The following PALLD variants were observed in gnomAD, a reference collection of about 807,000 sequenced individuals.
PALLD encodes the protein palladin, cytoskeletal associated protein.
A neutral mutation model predicts 123.5 loss-of-function variants in PALLD; 61 were observed. That is an observed-to-expected ratio of 0.49 (90% CI 0.40 to 0.61). The LOEUF is 0.61. PALLD is among the 20% of genes least tolerant of loss of function. The pLI is 0.00. For synonymous variants in PALLD, 465 were observed against 496.4 expected, an observed-to-expected ratio of 0.94 and a Z score of 0.84; for missense variants, 1,273 against 1,377.0, an observed-to-expected ratio of 0.92 and a Z score of 1.20.
intron 3 of PALLD, among the ~76,000 whole-genome samples, chr4:168,672,311 A>G (rs926615584): frequency 1.3e-5 from 2 of 152,166 alleles, no homozygotes; most frequent in Admixed American, 6.5e-5. Flanking sequence ...AACTATAGTC[A>G]TCCTGTAGTG....
intron 2 of PALLD, among the ~76,000 whole-genome samples, chr4:168,585,832 G>C (rs879851571): frequency 3.9e-5 from 6 of 152,154 alleles, no homozygotes; most frequent in Non-Finnish European, 5.9e-5. Flanking sequence ...AATCTTCTTA[G>C]TACTCTTAAG....
intron 2 of PALLD, among the ~76,000 whole-genome samples, chr4:168,529,862 T>C (rs1046723095): frequency 1.3e-5 from 2 of 152,214 alleles, no homozygotes; most frequent in African/African-American, 4.8e-5. Context: ...GCAAAGCATA[T>C]ACCTTCTTCA....
intron 10 of PALLD, among the ~76,000 whole-genome samples, chr4:168,883,205 T>G (rs1045186498): frequency 2.6e-5 from 4 of 152,212 alleles, no homozygotes; most frequent in Non-Finnish European, 5.9e-5. Flanking sequence ...CCTTTAAATA[T>G]GAGCTTAAGT....
chr4:168,527,364 G>A (rs532336952), intron 2 of PALLD, among the ~76,000 whole-genome samples: 15 of 142,858 alleles, frequency 1.0e-4, no homozygotes, highest in Non-Finnish European at 1.9e-4. Context: ...AGAGATTGTG[G>A]TGAGCTGAGA....
At chr4:168,585,784 A>C (rs1770756446) in intron 2 of PALLD, among the ~76,000 whole-genome samples, 1 of 152,132 alleles carries the variant, frequency 6.6e-6, no homozygotes, top group African/African-American at 2.4e-5. Flanking sequence ...TGCTCTTAGG[A>C]GCCAAGTTTC....
intron 10 of PALLD, among the ~76,000 whole-genome samples, chr4:168,818,414 A>G (rs1229396742): frequency 1.3e-5 from 2 of 152,208 alleles, no homozygotes; most frequent in South Asian, 2.1e-4. Context: ...GCTGGGCAAT[A>G]TAATGGGACT....
Position 168,537,027 on chromosome 4 carries a change from C to T in PALLD, c.908+24615C>T, listed in dbSNP as rs186206116. On this transcript the variant is annotated intron_variant, in intron 2 of 21. Coordinates refer to ENST00000505667, the MANE Select transcript of PALLD (RefSeq NM_001166108.2). ...GTATTTTTAGTAGAGACAGTTTCATCGTGTTAGCCAGGATGGTCTGATCTC... is the reference window on the plus strand; with the variant it reads ...GTATTTTTAGTAGAGACAGTTTCATTGTGTTAGCCAGGATGGTCTGATCTC... Among the ~76,000 whole-genome samples, 85 of 152,160 alleles carry T rather than the reference C, an allele frequency of 5.6e-4. 3 individuals are homozygous for T. In the South Asian group the frequency reaches 0.012, roughly 21 times the overall value.
At chr4:168,836,913 C>A (rs1038647700) in intron 10 of PALLD, among the ~76,000 whole-genome samples, 1 of 152,172 alleles carries the variant, frequency 6.6e-6, no homozygotes, top group African/African-American at 2.4e-5. Context: ...TAGAACCAAA[C>A]CACTATATAT....
At chr4:168,770,743 T>TA (rs1489049805) in intron 10 of PALLD, among the ~76,000 whole-genome samples, 1 of 151,876 alleles carries the variant, frequency 6.6e-6, no homozygotes, top group Non-Finnish European at 1.5e-5. Flanking sequence ...ACAAGCCAAT[T>TA]AACACATTCC....
intron 2 of PALLD, among the ~76,000 whole-genome samples, chr4:168,634,758 G>T (rs1010156725): frequency 6.6e-6 from 1 of 152,190 alleles, no homozygotes; most frequent in African/African-American, 2.4e-5. Context: ...GAAGTGTAGC[G>T]TAAAGAAAAT....
intron 10 of PALLD, among the ~76,000 whole-genome samples, chr4:168,713,608 C>A (rs759494976): frequency 6.6e-6 from 1 of 152,180 alleles, no homozygotes; most frequent in African/African-American, 2.4e-5. Context: ...CTCTGCTTTG[C>A]AGCCAGGTTA....
chr4:168,517,153 C>G (rs1763065450), intron 2 of PALLD, among the ~76,000 whole-genome samples: 1 of 152,110 alleles, frequency 6.6e-6, no homozygotes. Flanking sequence ...TATTCTCAAT[C>G]AAATTACTAC....
rs1157959859 is a variant in PALLD at position 168,869,890 on chromosome 4, C to A, written c.1965-21032C>A. On this transcript the variant is annotated intron_variant, in intron 10 of 21. Transcript: ENST00000505667. This position sits in a 1 kb window ranked among gnomAD's most constrained non-coding sequence, Gnocchi z 4.5. ...GTAAAGTTTAGATCTTGGTAAGGTA[C>A]CCATATTTAGAGAGATGGAGAACCA... Among the ~76,000 whole-genome samples the A allele has an allele frequency of 6.6e-6, 1 of 152,032 alleles. No homozygotes were observed.
chr4:168,536,363 T>C (rs1765084334), intron 2 of PALLD, among the ~76,000 whole-genome samples: 1 of 152,208 alleles, frequency 6.6e-6, no homozygotes, highest in Non-Finnish European at 1.5e-5. Flanking sequence ...ACCTAAGGCA[T>C]TAAGCCACAG....
intron 2 of PALLD, among the ~76,000 whole-genome samples, chr4:168,632,576 C>G (rs1039549401): frequency 1.3e-5 from 2 of 152,192 alleles, no homozygotes; most frequent in African/African-American, 4.8e-5. Context: ...TCCCGGTTCT[C>G]CTCTCCCTTT....
chr4:168,710,630 G>A (rs1485508831), intron 9 of PALLD, among the ~76,000 whole-genome samples: 1 of 152,170 alleles, frequency 6.6e-6, no homozygotes, highest in Non-Finnish European at 1.5e-5. Flanking sequence ...GTCATCTTAA[G>A]TGGGAAATGG....
chr4:168,708,942 T>A lies in PALLD; in HGVS notation c.1502-86T>A. 3.5e-6 allele frequency: 4 copies of A among 1,141,236 alleles called. No individual in the cohort carries two copies. In the South Asian group the frequency reaches 4.9e-5, roughly 14 times the overall value. 70.7% of individuals were successfully genotyped at this position (1,141,236 alleles called of 1,614,324 possible). A position where few individuals can be genotyped will look rare whatever the true frequency, so the allele number is the denominator to read the frequency against. On this transcript the variant is annotated intron_variant, in intron 8 of 21. Transcript: ENST00000505667. ...TGTAATAATCATAACCTAATTTGTT[T>A]GTTGTGGAAAGGTGGAGGGTCTCAC...
At chr4:168,921,428 C>G in intron 17 of PALLD, 106 bp from the exon 18 acceptor site, 3 of 529,392 alleles carry the variant, frequency 5.7e-6, no homozygotes, top group Admixed American at 3.7e-5. Context: ...AAAAAAAAAG[C>G]CACCTCTTGT....
rs1560876800 is a variant in PALLD at position 168,896,614 on chromosome 4, CT to C, written c.2250+18del. 7.0e-7 allele frequency: 1 copy of C among 1,420,642 alleles called. No homozygotes were observed. Among genetic ancestry groups the C allele is most frequent in the South Asian group, 1.2e-5 (1 of 80,584 alleles). The allele number at this position is 1,420,642 out of a possible 1,614,324, so 88.0% of individuals were successfully genotyped here. On this transcript the variant is annotated intron_variant, in intron 13 of 21. Transcript: ENST00000505667. Reference sequence around the variant, plus strand: ...ATGGTCAAAAGGTTAAGCTTTTCACCTTTCTTCTCCTTCCAGTCTTTCTCTG... The same window carrying C: ...ATGGTCAAAAGGTTAAGCTTTTCACCTTCTTCTCCTTCCAGTCTTTCTCTG...
Sources: gnomAD v4.1 joint callset for allele counts (sites outside exome capture counted in the v4.1 genomes callset) on GRCh38, gnomAD v4.1.1 for gene constraint, Gnocchi (gnomAD v3.1) non-coding constraint, MANE v1.5 for transcripts, NCBI Gene and HGNC (gene_info 2026-07-23, HGNC 2026-07-21) for gene names.